ROBO2: variants seen among roughly 807,000 people sequenced by gnomAD.
The protein encoded by ROBO2 is roundabout homolog 2.
ROBO2 carries 53 observed loss-of-function variants against 160.8 expected under a neutral mutation model. The observed-to-expected ratio is 0.33, with a 90% confidence interval of 0.26 to 0.41. The LOEUF is 0.41. ROBO2 is among the 10% of genes least tolerant of loss of function. ROBO2 has a pLI of 1.00. For missense variants in ROBO2, 1,577 were observed against 1,722.4 expected (o/e 0.92, Z 1.49); for synonymous variants, 664 against 611.7 (o/e 1.09, Z -1.26).
At chr3:76,697,234 C>A (rs2092946856) in intron 2 of ROBO2, among the ~76,000 whole-genome samples, 1 of 152,102 alleles carries the variant, frequency 6.6e-6, no homozygotes. Flanking sequence ...AATATGTGGG[C>A]TCCTAAATAC....
intron 2 of ROBO2, among the ~76,000 whole-genome samples, chr3:76,815,409 C>T (rs1297957673): frequency 6.6e-6 from 1 of 151,268 alleles, no homozygotes; most frequent in Non-Finnish European, 1.5e-5. Flanking sequence ...AAAACCTGCT[C>T]CCAGTCAACA....
intron 2 of ROBO2, among the ~76,000 whole-genome samples, chr3:76,077,020 A>G (rs7642285): frequency 0.51 from 77,194 of 151,506 alleles, 20,493 homozygotes; most frequent in African/African-American, 0.67. Flanking sequence ...CTACTGCAAC[A>G]TTTTACTCCC....
At chr3:77,297,097 A>T (rs2062216486) in intron 2 of ROBO2, among the ~76,000 whole-genome samples, 1 of 152,022 alleles carries the variant, frequency 6.6e-6, no homozygotes, top group African/African-American at 2.4e-5. Context: ...AAAATCTACG[A>T]TGGTCCATAG....
chr3:77,511,780 G>C (rs537229915), intron 5 of ROBO2, among the ~76,000 whole-genome samples: 36 of 152,086 alleles, frequency 2.4e-4, no homozygotes, highest in Non-Finnish European at 4.4e-4. Context: ...GTTTTCTGTA[G>C]AGGCTTTCAG....
At chr3:76,696,701 C>T (rs1054348154) in intron 2 of ROBO2, among the ~76,000 whole-genome samples, 3 of 152,136 alleles carry the variant, frequency 2.0e-5, no homozygotes, top group African/African-American at 4.8e-5. Context: ...AGCTATGATA[C>T]GGGTCTTCCA....
intron 2 of ROBO2, among the ~76,000 whole-genome samples, chr3:77,359,394 G>A (rs953602134): frequency 1.5e-4 from 23 of 152,266 alleles, no homozygotes; most frequent in East Asian, 1.9e-4. Context: ...GAAACGCAGA[G>A]AACAGATAAA....
At chr3:77,581,313 T>C (rs1038269529) in intron 16 of ROBO2, among the ~76,000 whole-genome samples, 2 of 152,122 alleles carry the variant, frequency 1.3e-5, no homozygotes, top group African/African-American at 4.8e-5. Flanking sequence ...AACAAAAGTA[T>C]TACATTTTAA....
intron 2 of ROBO2, among the ~76,000 whole-genome samples, chr3:76,656,248 A>G (rs549892419): frequency 6.6e-6 from 1 of 152,296 alleles, no homozygotes; most frequent in South Asian, 2.1e-4. Context: ...CAGTAACTGA[A>G]AGTTCATTGT....
intron 14 of ROBO2, among the ~76,000 whole-genome samples, chr3:77,575,986 G>T (rs1035779943): frequency 3.3e-5 from 5 of 152,086 alleles, no homozygotes; most frequent in African/African-American, 1.2e-4. Context: ...AATGATGAGC[G>T]GCGATTTGGG....
intron 2 of ROBO2, among the ~76,000 whole-genome samples, chr3:76,570,301 T>C (rs1254399519): frequency 6.6e-6 from 1 of 152,138 alleles, no homozygotes; most frequent in Non-Finnish European, 1.5e-5. Flanking sequence ...ACAATAAGGT[T>C]TATGGTGACT....
At chr3:77,572,909 A>G (rs1391321554) in intron 13 of ROBO2, among the ~76,000 whole-genome samples, 2 of 152,046 alleles carry the variant, frequency 1.3e-5, no homozygotes, top group African/African-American at 4.8e-5. Context: ...CAACATTTCA[A>G]CAAAAGTTGA....
rs375297665 is a variant in ROBO2 at position 76,508,558 on chromosome 3, G to A, written c.109+570956G>A. 9.9e-4 allele frequency among the ~76,000 whole-genome samples: 151 copies of A among 152,238 alleles called. No individual in the cohort carries two copies. The Middle Eastern group carries it at 0.017, about 17-fold the overall frequency. ...TATTTTAAGAAACATTAAGTAGGTG[G>A]AGGAAACATCCATATCTATGTTTAA... is the stretch of plus-strand genomic sequence containing the variant. On this transcript the variant is annotated intron_variant, in intron 2 of 26. Transcript: ENST00000487694.
intron 2 of ROBO2, among the ~76,000 whole-genome samples, chr3:76,380,878 A>G (rs761523997): frequency 3.3e-5 from 5 of 152,142 alleles, no homozygotes; most frequent in Non-Finnish European, 2.9e-5. Context: ...AGTAATGACC[A>G]TTTCCATCAT....
At chr3:76,215,744 T>A (rs1407561376) in intron 2 of ROBO2, among the ~76,000 whole-genome samples, 1 of 152,188 alleles carries the variant, frequency 6.6e-6, no homozygotes, top group Non-Finnish European at 1.5e-5. Context: ...CTTCAGGTTA[T>A]TATCCAGGAG....
At chr3:76,094,354 C>T (rs2069354793) in intron 2 of ROBO2, among the ~76,000 whole-genome samples, 1 of 152,212 alleles carries the variant, frequency 6.6e-6, no homozygotes, top group Non-Finnish European at 1.5e-5. Context: ...AATTTTTCTC[C>T]AGCAAATCTT....
At chr3:76,728,196 C>A (rs2093582750) in intron 2 of ROBO2, among the ~76,000 whole-genome samples, 1 of 152,150 alleles carries the variant, frequency 6.6e-6, no homozygotes, top group Middle Eastern at 3.4e-3. Flanking sequence ...CACAAACAAA[C>A]AATTTTAGAA....
intron 2 of ROBO2, among the ~76,000 whole-genome samples, chr3:77,394,293 G>A (rs1197664043): frequency 6.6e-6 from 1 of 152,124 alleles, no homozygotes; most frequent in Admixed American, 6.6e-5. Flanking sequence ...TAGTGTGCAG[G>A]TTTTCATGGC....
rs2072845418 is a variant in ROBO2, at chr3:77,106,623, G to A, written c.388+8283G>A. ...TATAGAAGTAAAAACAATAGGTGAAGTTTTGTTTAACTATGAAAGTTTTTG... is the reference window on the plus strand; with the variant it reads ...TATAGAAGTAAAAACAATAGGTGAAATTTTGTTTAACTATGAAAGTTTTTG... On this transcript the variant is annotated intron_variant, in intron 2 of 25. Transcript: ENST00000461745. Among the ~76,000 whole-genome samples the A allele has an allele frequency of 2.0e-5, 3 of 152,248 alleles. No homozygotes were observed. In the Middle Eastern group the frequency reaches 0.01, roughly 518 times the overall value.
chr3:76,632,344 C>G (rs7634503), intron 2 of ROBO2, among the ~76,000 whole-genome samples: 4 of 151,922 alleles, frequency 2.6e-5, no homozygotes, highest in African/African-American at 7.3e-5. Flanking sequence ...CTGTCACACA[C>G]CCTTGCTTGC....
Sources: allele counts gnomAD v4.1 joint callset (sites outside exome capture counted in the v4.1 genomes callset), GRCh38; gene constraint gnomAD v4.1.1; transcripts MANE v1.5; gene names NCBI Gene and HGNC (gene_info 2026-07-23, HGNC 2026-07-21).